The following UGT1A7 variants were observed in gnomAD, a reference collection of about 807,000 sequenced individuals.
UGT1A7 encodes the protein UDP-glucuronosyltransferase 1A7.
Under a neutral mutation model 45.6 loss-of-function variants are expected in UGT1A7, and 33 were observed. The observed-to-expected ratio is 0.72, with a 90% CI of 0.55 to 0.97. UGT1A7 has a LOEUF of 0.97. UGT1A7 is among the 50% of genes least tolerant of loss of function. The pLI is 0.00. For synonymous variants in UGT1A7, 274 were observed against 250.6 expected (o/e 1.09, Z -0.88); for missense variants, 684 against 666.2 (o/e 1.03, Z -0.29).
At chr2:233,759,148 C>T (rs958103871) in intron 1 of UGT1A7, among the ~76,000 whole-genome samples, 4 of 152,184 alleles carry the variant, frequency 2.6e-5, no homozygotes, top group African/African-American at 9.7e-5. Context: ...AAGGTGAGTT[C>T]CACAGAACAC....
In UGT1A7 at chr2:233,768,446, A is replaced by C. The variant is rs752429515; in HGVS notation, c.1295+7A>C. 1 of 1,612,506 alleles carries C rather than the reference A, an allele frequency of 6.2e-7. No homozygotes were observed. Among genetic ancestry groups the C allele is most frequent in the Non-Finnish European group, 8.5e-7 (1 of 1,179,230 alleles). ...CAGTCATCAATGACAAAAGGTAAGAAAGAAGATACAGAAGAATACTTTGGT... is the reference window on the plus strand; with the variant it reads ...CAGTCATCAATGACAAAAGGTAAGACAGAAGATACAGAAGAATACTTTGGT... On this transcript the variant is annotated splice_region_variant and intron_variant, in intron 4 of 4. Coordinates refer to ENST00000373426, the MANE Select transcript of UGT1A7 (RefSeq NM_019077.3).
At chr2:233,685,924 CT>C in intron 1 of UGT1A7, among the ~76,000 whole-genome samples, 1 of 152,088 alleles carries the variant, frequency 6.6e-6, no homozygotes, top group African/African-American at 2.4e-5. Flanking sequence ...TAAATTTATC[CT>C]GATTGTCTCA....
At chr2:233,746,920 C>A (rs1023587712) in intron 1 of UGT1A7, among the ~76,000 whole-genome samples, 10 of 151,720 alleles carry the variant, frequency 6.6e-5, no homozygotes, top group Admixed American at 4.6e-4. Context: ...TTTCCACAGG[C>A]CTTTGTTGGG....
At chr2:233,688,622 G>C (rs2074906157) in intron 1 of UGT1A7, among the ~76,000 whole-genome samples, 1 of 152,166 alleles carries the variant, frequency 6.6e-6, no homozygotes, top group South Asian at 2.1e-4. Context: ...GCAAACATGA[G>C]TTCGTCTTGT....
At chr2:233,727,811 G>C (rs1024803216) in intron 1 of UGT1A7, among the ~76,000 whole-genome samples, 4 of 152,210 alleles carry the variant, frequency 2.6e-5, no homozygotes, top group African/African-American at 9.7e-5. Context: ...CATGGGTTCT[G>C]TCCAAAGGTG....
At chr2:233,696,513 C>T (rs2075347301) in intron 1 of UGT1A7, among the ~76,000 whole-genome samples, 1 of 152,168 alleles carries the variant, frequency 6.6e-6, no homozygotes, top group Non-Finnish European at 1.5e-5. Context: ...TCAGTTCTAA[C>T]AGCTTTTGGG....
intron 1 of UGT1A7, among the ~76,000 whole-genome samples, chr2:233,758,755 T>C (rs1329338381): frequency 1.3e-5 from 2 of 152,208 alleles, no homozygotes; most frequent in African/African-American, 4.8e-5. Flanking sequence ...TGGCCAGTGA[T>C]GTGTATGGTT....
At chr2:233,760,266 C>T (rs778145749) in intron 1 of UGT1A7, 17 of 1,611,888 alleles carry the variant, frequency 1.1e-5, no homozygotes, top group Non-Finnish European at 1.4e-5. Context: ...GAGGGCGAAC[C>T]TCTGGCAGGA....
In UGT1A7 at chr2:233,769,189, A is replaced by T. The variant is rs1281206912; in HGVS notation, c.1295+750A>T. Among the ~76,000 whole-genome samples, 1 of 152,188 alleles carries T rather than the reference A, an allele frequency of 6.6e-6. No homozygotes were observed. Among genetic ancestry groups the T allele is most frequent in the East Asian group, 1.9e-4 (1 of 5,202 alleles). On this transcript the variant is annotated intron_variant, in intron 4 of 4. Transcript: ENST00000373426. This position sits in a 1 kb window ranked among gnomAD's most constrained non-coding sequence, Gnocchi z 4.4. The stretch of plus-strand genomic sequence containing the variant: ...TGTCCATGGAGTTTATGAATGAAGG[A>T]GCTATAAGATATCACAGACAAAGTC...
chr2:233,748,167 T>A, intron 1 of UGT1A7: 1 of 1,593,478 alleles, frequency 6.3e-7, no homozygotes, highest in Non-Finnish European at 8.5e-7. Context: ...CCATATCTAC[T>A]TATCTTTCTG....
At chr2:233,709,173 C>G (rs571228919) in intron 1 of UGT1A7, among the ~76,000 whole-genome samples, 2 of 152,222 alleles carry the variant, frequency 1.3e-5, no homozygotes, top group South Asian at 4.2e-4. Context: ...GTCACATGTT[C>G]TATCCTGAGC....
At chr2:233,687,100 C>T (rs750852602) in intron 1 of UGT1A7, among the ~76,000 whole-genome samples, 1 of 152,178 alleles carries the variant, frequency 6.6e-6, no homozygotes, top group East Asian at 1.9e-4. Flanking sequence ...GTGACACTTG[C>T]GTAAACTTGG....
chr2:233,755,215 T>TA (rs1473276470), intron 1 of UGT1A7: 1 of 1,037,208 alleles, frequency 9.6e-7, no homozygotes, highest in Admixed American at 1.9e-5. Context: ...GCCTTCTTGA[T>TA]ACCCTCGGAC....
chr2:233,717,708 G>A, intron 1 of UGT1A7: 1 of 452,244 alleles, frequency 2.2e-6, no homozygotes, highest in Non-Finnish European at 4.5e-6. Context: ...AGCAGGACGA[G>A]CCTCATGGGC....
intron 1 of UGT1A7, among the ~76,000 whole-genome samples, chr2:233,742,122 G>T (rs1282494456): frequency 6.6e-6 from 1 of 151,802 alleles, no homozygotes; most frequent in African/African-American, 2.4e-5. Flanking sequence ...GCTTGGTCGT[G>T]GAGACCCTAA....
Position 233,729,304 on chromosome 2 carries a change from G to A in UGT1A7, c.856-37730G>A, listed in dbSNP as rs779287318. ...CCATGCCAGAGGCCACCAGGCAGTG[G>A]TCCTCACCCCAGAGGTGAATATGCA... is the stretch of plus-strand genomic sequence containing the variant. On this transcript the variant is annotated intron_variant, in intron 1 of 4. Transcript: ENST00000373426. 10 of 1,614,264 alleles carry A rather than the reference G, an allele frequency of 6.2e-6. No homozygotes were observed. In the South Asian group the frequency reaches 1.1e-4, roughly 18 times the overall value.
chr2:233,699,130 A>C (rs150919646), intron 1 of UGT1A7, among the ~76,000 whole-genome samples: 33 of 152,278 alleles, frequency 2.2e-4, no homozygotes, highest in African/African-American at 7.9e-4. Flanking sequence ...TACTTATGTC[A>C]GATTCTCATG....
At chr2:233,724,375 C>T (rs1318597710) in intron 1 of UGT1A7, among the ~76,000 whole-genome samples, 19 of 143,100 alleles carry the variant, frequency 1.3e-4, no homozygotes, top group South Asian at 7.3e-4. Context: ...GGGTGGCTGC[C>T]GGGCGGAGAC....
intron 1 of UGT1A7, among the ~76,000 whole-genome samples, chr2:233,752,106 AGAG>A (rs1694895437): frequency 6.6e-6 from 1 of 152,236 alleles, no homozygotes; most frequent in Non-Finnish European, 1.5e-5. Flanking sequence ...AAGTAGAATC[AGAG>A]GAGAAGAAGA....
Sources: gnomAD v4.1 joint callset for allele counts (sites outside exome capture counted in the v4.1 genomes callset) on GRCh38, gnomAD v4.1.1 for gene constraint, Gnocchi (gnomAD v3.1) non-coding constraint, MANE v1.5 for transcripts, NCBI Gene and HGNC (gene_info 2026-07-23, HGNC 2026-07-21) for gene names.